The following NEK10 variants were observed in gnomAD, a reference collection of about 807,000 sequenced individuals.
NEK10 encodes NIMA related kinase 10.
A neutral mutation model predicts 159.8 loss-of-function variants in NEK10; 122 were observed. That is an observed-to-expected ratio of 0.76 (90% confidence interval 0.66 to 0.89). The LOEUF (loss-of-function observed/expected upper bound fraction) is 0.89, where lower values mean the gene tolerates loss of function less well. Ranked by LOEUF, NEK10 falls within the 40% of genes least tolerant of loss-of-function variation. The pLI is 0.00. For synonymous variants in NEK10, 466 were observed against 457.1 expected (o/e 1.02, Z -0.25); for missense variants, 1,342 against 1,323.1 (o/e 1.01, Z -0.22).
intron 15 of NEK10, among the ~76,000 whole-genome samples, chr3:27,295,071 C>T (rs899560850): frequency 2.6e-5 from 4 of 152,096 alleles, no homozygotes; most frequent in African/African-American, 9.7e-5. Context: ...CATGTGAGGC[C>T]TCATCTGCTG....
At chr3:27,365,517 A>G (rs2048990387) in intron 1 of NEK10, among the ~76,000 whole-genome samples, 1 of 151,898 alleles carries the variant, frequency 6.6e-6, no homozygotes. Flanking sequence ...ACCTATAGAT[A>G]AGTAATTATT....
rs185647163 is a variant in NEK10 at position 27,222,228 on chromosome 3, C to T, written c.2091-19671G>A. On this transcript the variant is annotated intron_variant, in intron 23 of 35. Coordinates refer to ENST00000691995, the MANE Select transcript of NEK10 (RefSeq NM_001394966.1). The stretch of plus-strand genomic sequence containing the variant: ...TCTCTACTAAAAATACAAAAATTAG[C>T]CAGGCATGGTGGCCGGTGCCTGTAG... Among the ~76,000 whole-genome samples the T allele has an allele frequency of 1.4e-3, 208 of 152,206 alleles. 1 individual carries two copies. Among genetic ancestry groups the T allele is most frequent in the African/African-American group, 4.8e-3 (198 of 41,542 alleles).
intron 32 of NEK10, among the ~76,000 whole-genome samples, chr3:27,122,338 C>A (rs1381004740): frequency 1.3e-5 from 2 of 152,132 alleles, no homozygotes; most frequent in Non-Finnish European, 2.9e-5. Flanking sequence ...GTCAATTAAG[C>A]CTTTTTGCTT....
chr3:27,176,496 C>T (rs1947520688), intron 26 of NEK10, among the ~76,000 whole-genome samples: 1 of 152,178 alleles, frequency 6.6e-6, no homozygotes, highest in Non-Finnish European at 1.5e-5. Context: ...CTAAGTCCAG[C>T]CTCAGCTCTG....
intron 28 of NEK10, 91 bp from the exon 29 acceptor site, chr3:27,171,964 T>C: frequency 7.5e-7 from 1 of 1,334,140 alleles, no homozygotes; most frequent in Non-Finnish European, 1.0e-6. Flanking sequence ...GAACAACAAA[T>C]ACTGGTGAAG....
chr3:27,138,361 G>A (rs542549995), intron 31 of NEK10, among the ~76,000 whole-genome samples: 1 of 152,288 alleles, frequency 6.6e-6, no homozygotes, highest in South Asian at 2.1e-4. Flanking sequence ...GGGACACTTC[G>A]CTTCAAGTTT....
At chr3:27,327,972 T>A (rs1194549008) in intron 5 of NEK10, among the ~76,000 whole-genome samples, 2 of 151,840 alleles carry the variant, frequency 1.3e-5, no homozygotes, top group Non-Finnish European at 2.9e-5. Context: ...AAGAAATTCA[T>A]CCTAAATGAT....
chr3:27,127,479 T>C (rs964397751), intron 32 of NEK10, among the ~76,000 whole-genome samples: 17 of 152,162 alleles, frequency 1.1e-4, no homozygotes, highest in Admixed American at 5.9e-4. Flanking sequence ...ATAGGAGCAA[T>C]AGGAGCCTAT....
At chr3:27,238,730 A>C (rs1156571191) in intron 23 of NEK10, among the ~76,000 whole-genome samples, 1 of 149,144 alleles carries the variant, frequency 6.7e-6, no homozygotes, top group African/African-American at 2.5e-5. Flanking sequence ...TTATTTATCT[A>C]ACCAACCTCC....
chr3:27,190,104 T>C (rs375896105), intron 26 of NEK10, among the ~76,000 whole-genome samples: 3 of 152,296 alleles, frequency 2.0e-5, no homozygotes, highest in South Asian at 2.1e-4. Flanking sequence ...ACTTTTAAAG[T>C]CATACAATAT....
chr3:27,178,472 A>G (rs1044065245), intron 26 of NEK10, among the ~76,000 whole-genome samples: 2 of 152,188 alleles, frequency 1.3e-5, no homozygotes, highest in Non-Finnish European at 2.9e-5. Context: ...TCTATTAGGT[A>G]TATTTTTACC....
intron 23 of NEK10, among the ~76,000 whole-genome samples, chr3:27,248,555 G>A (rs547413543): frequency 1.8e-4 from 27 of 152,004 alleles, no homozygotes; most frequent in South Asian, 4.1e-4. Flanking sequence ...GGTATGTTGT[G>A]TTTCCATTAT....
At chr3:27,279,550 C>T (rs2042001664) in intron 22 of NEK10, among the ~76,000 whole-genome samples, 1 of 152,144 alleles carries the variant, frequency 6.6e-6, no homozygotes, top group South Asian at 2.1e-4. Context: ...GACATATTTA[C>T]ATTATATCAA....
intron 33 of NEK10, among the ~76,000 whole-genome samples, chr3:27,118,058 C>A (rs1227349083): frequency 1.3e-5 from 2 of 152,134 alleles, no homozygotes; most frequent in Non-Finnish European, 2.9e-5. Context: ...CTCCCAGCAC[C>A]ATTTATTAAA....
At chr3:27,256,157 T>C in intron 23 of NEK10, 139 bp downstream of exon 23, 2 of 441,894 alleles carry the variant, frequency 4.5e-6, no homozygotes, top group South Asian at 6.1e-5. Context: ...TAGTAATGTG[T>C]ATTACCTAGA....
intron 4 of NEK10, 93 bp from the exon 5 acceptor site, chr3:27,344,463 C>G: frequency 1.6e-6 from 1 of 642,032 alleles, no homozygotes; most frequent in Non-Finnish European, 2.8e-6. Context: ...ATTCAGGTAA[C>G]ATTTTTATTA....
chr3:27,113,054 G>C (rs1032049181), intron 35 of NEK10, among the ~76,000 whole-genome samples: 13 of 152,192 alleles, frequency 8.5e-5, no homozygotes, highest in African/African-American at 3.1e-4. Flanking sequence ...TAAACAAAGA[G>C]TGGCTTTAGG....
intron 22 of NEK10, chr3:27,278,840 G>C (rs1232990816): frequency 1.0e-6 from 1 of 984,502 alleles, no homozygotes; most frequent in Non-Finnish European, 1.2e-6. Context: ...TAATGTGATG[G>C]CACAATATGG....
chr3:27,132,106 G>A, intron 31 of NEK10, 116 bp from the exon 32 acceptor site: 1 of 452,452 alleles, frequency 2.2e-6, no homozygotes, highest in Non-Finnish European at 3.9e-6. Flanking sequence ...GACTATGTAA[G>A]AATTTAAATT....
Sources: gnomAD v4.1 joint callset for allele counts (sites outside exome capture counted in the v4.1 genomes callset) on GRCh38, gnomAD v4.1.1 for gene constraint, MANE v1.5 for transcripts, NCBI Gene and HGNC (gene_info 2026-07-23, HGNC 2026-07-21) for gene names.